The following NIN variants were observed in gnomAD, a reference collection of about 807,000 sequenced individuals.
The protein encoded by NIN is glycogen synthase kinase 3 beta-interacting protein.
Under a neutral mutation model 257.6 loss-of-function variants are expected in NIN, and 137 were observed. The observed-to-expected ratio is 0.53, with a 90% CI of 0.46 to 0.61. The LOEUF is 0.61. NIN is among the 20% of genes least tolerant of loss of function. The pLI is 0.00. For synonymous variants in NIN, 918 were observed against 919.8 expected (o/e 1.00, Z 0.04); for missense variants, 2,439 against 2,501.2 (o/e 0.98, Z 0.53).
At position 50,810,230 on chromosome 14, in the gene NIN, C is replaced by CAA. The variant is rs57511926; in HGVS notation, c.184-3414_184-3413dup. On this transcript the variant is annotated intron_variant, in intron 3 of 30. Transcript: ENST00000530997. ...TGGGCGACAGAGTGAGACTCCGTCT[C>CAA]AAAAAAAAAAAAAAAAAAGAAAATG... 3.6e-3 allele frequency among the ~76,000 whole-genome samples: 263 copies of CAA among 72,966 alleles called. 3 individuals are homozygous for CAA. The highest frequency in any genetic ancestry group is 9.0e-3 in the African/African-American group (205 of 22,768). 47.9% of individuals were successfully genotyped at this position (72,966 alleles called of 152,430 possible).
chr14:50,741,810 AAAG>A (rs2041298065), intron 24 of NIN, 82 bp from the exon 25 acceptor site: 1 of 1,476,496 alleles, frequency 6.8e-7, no homozygotes, highest in African/African-American at 1.4e-5. Flanking sequence ...AATAAGGACA[AAAG>A]AACTTTCAAG....
intron 3 of NIN, 138 bp from the exon 4 acceptor site, chr14:50,806,956 A>G: frequency 4.2e-6 from 2 of 478,390 alleles, no homozygotes; most frequent in Non-Finnish European, 7.3e-6. Flanking sequence ...TGCCCTTTTC[A>G]TTTCTCTAAA....
intron 28 of NIN, among the ~76,000 whole-genome samples, chr14:50,731,237 TTCCAGG>T (rs2040679287): frequency 6.6e-6 from 1 of 152,078 alleles, no homozygotes; most frequent in Non-Finnish European, 1.5e-5. Context: ...ATTTAGAAGA[TTCCAGG>T]TCCAGGCCAG....
At chr14:50,817,376 A>T (rs1460431882) in intron 3 of NIN, among the ~76,000 whole-genome samples, 1 of 152,206 alleles carries the variant, frequency 6.6e-6, no homozygotes, top group Non-Finnish European at 1.5e-5. Flanking sequence ...AATAAATCTT[A>T]AAAAGCTTTT....
intron 29 of NIN, among the ~76,000 whole-genome samples, chr14:50,728,105 G>A (rs1486706957): frequency 6.6e-6 from 1 of 151,730 alleles, no homozygotes; most frequent in East Asian, 1.9e-4. Context: ...TGAAGGAATT[G>A]GAGGAAAAGG....
chr14:50,767,591 G>A (rs566310534), intron 12 of NIN, among the ~76,000 whole-genome samples: 4 of 152,284 alleles, frequency 2.6e-5, no homozygotes, highest in Non-Finnish European at 4.4e-5. Flanking sequence ...GCCAAGGTGG[G>A]CGGATCATGA....
At chr14:50,807,497 C>A (rs982710211) in intron 3 of NIN, among the ~76,000 whole-genome samples, 1 of 152,162 alleles carries the variant, frequency 6.6e-6, no homozygotes, top group African/African-American at 2.4e-5. Context: ...AAGGTAAAAG[C>A]ATTTTCTTTA....
In NIN at chr14:50,729,658, G is replaced by A; in HGVS notation, c.5943C>T (p.Leu1981=). The A allele has an allele frequency of 1.2e-6, 2 of 1,613,816 alleles. No individual in the cohort carries two copies. Among genetic ancestry groups the A allele is most frequent in the Non-Finnish European group, 1.7e-6 (2 of 1,179,898 alleles). Residue 1981 remains leucine, a synonymous_variant, in exon 29 of 31, where the codon CTC becomes CTT. Coordinates refer to ENST00000530997, the MANE Select transcript of NIN (RefSeq NM_020921.4). The part of the protein sequence containing the change: ...PSPHAWDLQL[L]QQQACPMVPR... ...GCACCATCGGACAGGCTTGCTGCTG[G>A]AGCAGCTGCAAATCCCAAGCATGAG...
At position 50,769,371 on chromosome 14, in the gene NIN, C is replaced by T. The variant is rs75890026; in HGVS notation, c.1434+1017G>A. Among the ~76,000 whole-genome samples the T allele has an allele frequency of 1.2e-4, 19 of 152,296 alleles. No individual in the cohort carries two copies. The East Asian group carries it at 3.3e-3, about 26-fold the overall frequency. ...CAGCAAAGAGAAGGACCACTTCTTT[C>T]ACTGAGACACAGGAAAGAGGGGAGG... On this transcript the variant is annotated intron_variant, in intron 12 of 30. Transcript: ENST00000530997.
chr14:50,768,968 G>A (rs903294878), intron 12 of NIN, among the ~76,000 whole-genome samples: 1 of 152,180 alleles, frequency 6.6e-6, no homozygotes, highest in Non-Finnish European at 1.5e-5. Context: ...GGAAGATGAC[G>A]AGGAATTTTA....
chr14:50,831,404 C>A (rs1343822803), upstream of NIN, among the ~76,000 whole-genome samples: 1 of 152,194 alleles, frequency 6.6e-6, no homozygotes. Context: ...GGCGCTGCCA[C>A]CCTCGCCCCT....
chr14:50,804,178 T>A (rs1316649707), intron 4 of NIN, among the ~76,000 whole-genome samples: 2 of 152,200 alleles, frequency 1.3e-5, no homozygotes, highest in African/African-American at 4.8e-5. Context: ...ATTAGAGGCA[T>A]GAGCCACCGC....
chr14:50,772,509 C>T, intron 8 of NIN, 41 bp from the exon 9 acceptor site: 1 of 1,593,614 alleles, frequency 6.3e-7, no homozygotes, highest in Non-Finnish European at 8.6e-7. Flanking sequence ...AGCTTGATTC[C>T]AGGCATTTCA....
At chr14:50,790,609 C>T (rs1304208510) in intron 5 of NIN, among the ~76,000 whole-genome samples, 1 of 152,156 alleles carries the variant, frequency 6.6e-6, no homozygotes, top group African/African-American at 2.4e-5. Flanking sequence ...AGAAATGACC[C>T]TCTCCGGGCC....
At chr14:50,759,799 C>T in intron 17 of NIN, 58 bp downstream of exon 17, 1 of 1,535,008 alleles carries the variant, frequency 6.5e-7, no homozygotes, top group South Asian at 1.3e-5. Context: ...ACAACTGGCA[C>T]TTCTAATGCC....
At chr14:50,816,944 A>G (rs993617715) in intron 3 of NIN, among the ~76,000 whole-genome samples, 5 of 152,214 alleles carry the variant, frequency 3.3e-5, no homozygotes, top group African/African-American at 1.2e-4. Context: ...TTAATTCTGC[A>G]ATGAGTTTGA....
At chr14:50,744,096 G>C in intron 23 of NIN, 147 bp downstream of exon 23, 1 of 735,040 alleles carries the variant, frequency 1.4e-6, no homozygotes, top group Non-Finnish European at 2.2e-6. Context: ...GGAAGTCTGG[G>C]GTCACAGAAT....
At position 50,758,320 on chromosome 14, in the gene NIN, G is replaced by A; in HGVS notation, c.2710C>T (p.His904Tyr). The change falls in exon 18 of 31, where the codon CAT becomes TAT. Residue 904 changes from histidine (H) to tyrosine (Y), a missense_variant. His to Tyr is a moderately conservative substitution (Grantham distance 83). Around this residue, in one of 3 missense-constraint regions of NIN, gnomAD observed 2,043 missense variants for 2,050.2 expected, o/e 1.00. Transcript: ENST00000530997. ...REMLEKTYKE[H>Y]LNSMVVERQQ... ...CTCTCGACGACCATGCTGTTCAAAT[G>A]TTCTTTGTATGTTTTCTCCAGCATC... 2 of 1,614,208 alleles carry A rather than the reference G, an allele frequency of 1.2e-6. No individual in the cohort carries two copies. Among genetic ancestry groups the A allele is most frequent in the Non-Finnish European group, 1.7e-6 (2 of 1,180,020 alleles).
chr14:50,747,469 C>T (rs1005717513), intron 22 of NIN, among the ~76,000 whole-genome samples: 5 of 152,152 alleles, frequency 3.3e-5, no homozygotes, highest in Non-Finnish European at 7.3e-5. Flanking sequence ...TGCAGTGGCC[C>T]GCGCCTGTAA....
Sources: allele counts gnomAD v4.1 joint callset (sites outside exome capture counted in the v4.1 genomes callset), GRCh38; gene constraint gnomAD v4.1.1; regional missense constraint gnomAD v4.1.1; transcripts MANE v1.5; gene names NCBI Gene and HGNC (gene_info 2026-07-23, HGNC 2026-07-21).